Variants in CPE observed in about 807,000 individuals in gnomAD.
The protein encoded by CPE is carboxypeptidase E.
In CPE, 17 loss-of-function variants were observed where a neutral mutation model predicts 53.5. The observed-to-expected ratio is 0.32, with a 90% CI of 0.22 to 0.48. CPE has a LOEUF of 0.48. Ranked by LOEUF, CPE falls within the 20% of genes least tolerant of loss-of-function variation. The pLI, the probability that CPE is intolerant of heterozygous loss-of-function variation, is 0.99. For missense variants in CPE, 524 were observed against 614.7 expected (o/e 0.85, Z 1.56); for synonymous variants, 226 against 228.8 (o/e 0.99, Z 0.11).
intron 3 of CPE, among the ~76,000 whole-genome samples, chr4:165,481,877 T>G (rs1177337762): frequency 6.6e-6 from 1 of 152,234 alleles, no homozygotes; most frequent in Non-Finnish European, 1.5e-5. Flanking sequence ...CTCCTCATAT[T>G]ATCCTTAACT....
chr4:165,449,833 G>T (rs1236106120), intron 1 of CPE, among the ~76,000 whole-genome samples: 2 of 150,426 alleles, frequency 1.3e-5, no homozygotes, highest in African/African-American at 2.4e-5. Flanking sequence ...GATTTTTTTT[G>T]ATACACTTGA....
At position 165,451,198 on chromosome 4, in the gene CPE, G is replaced by A. The variant is rs1157589184; in HGVS notation, c.308-13192G>A. ...ATATGGGATAGGTCTGAATCAGGCC[G>A]ATGTTATTGTCTATATTCCTGGAAG... is the stretch of plus-strand genomic sequence containing the variant. On this transcript the variant is annotated intron_variant, in intron 1 of 8. Transcript: ENST00000402744. 3.9e-5 allele frequency among the ~76,000 whole-genome samples: 6 copies of A among 152,276 alleles called. No homozygotes were observed. In the East Asian group the frequency reaches 7.7e-4, roughly 20 times the overall value.
At chr4:165,389,381 G>GA (rs1730644743) in intron 1 of CPE, among the ~76,000 whole-genome samples, 1 of 152,046 alleles carries the variant, frequency 6.6e-6, no homozygotes, top group Non-Finnish European at 1.5e-5. Context: ...CAGGAATTGA[G>GA]AGTTTTTTCT....
At chr4:165,460,190 A>G (rs1283294627) in intron 1 of CPE, among the ~76,000 whole-genome samples, 1 of 151,928 alleles carries the variant, frequency 6.6e-6, no homozygotes, top group East Asian at 1.9e-4. Context: ...TACGCAGAAG[A>G]GAAAATTGAT....
intron 1 of CPE, among the ~76,000 whole-genome samples, chr4:165,430,586 G>T (rs1579258112): frequency 1.3e-5 from 2 of 152,110 alleles, no homozygotes; most frequent in Non-Finnish European, 2.9e-5. Context: ...TTAAAATTGT[G>T]TGGTGGTAAC....
chr4:165,497,213 C>G (rs1732717059), intron 8 of CPE, among the ~76,000 whole-genome samples: 1 of 152,196 alleles, frequency 6.6e-6, no homozygotes, highest in African/African-American at 2.4e-5. Context: ...AGCCACCGCG[C>G]CTGGCCAGTT....
In CPE at chr4:165,498,427, T is replaced by G. The variant is rs1214402227; in HGVS notation, c.*817T>G. 6.6e-6 allele frequency: 1 copy of G among 152,208 alleles called. No homozygotes were observed. Among genetic ancestry groups the G allele is most frequent in the Non-Finnish European group, 1.5e-5 (1 of 68,042 alleles). 9.4% of individuals were successfully genotyped at this position (152,208 alleles called of 1,614,324 possible). On this transcript the variant is annotated 3_prime_UTR_variant, in exon 9 of 9. Coordinates refer to ENST00000402744, the MANE Select transcript of CPE (RefSeq NM_001873.4). ...CTTCTCATATATTCATCCTGTACAT[T>G]TTAAAATTTGTTAAGCAACTACTGT...
intron 1 of CPE, among the ~76,000 whole-genome samples, chr4:165,387,487 C>T (rs1730612295): frequency 6.6e-6 from 1 of 152,020 alleles, no homozygotes; most frequent in African/African-American, 2.4e-5. Flanking sequence ...CTAAATAAGC[C>T]TAAATATAAC....
chr4:165,495,171 CTG>C (rs964545719), intron 7 of CPE, among the ~76,000 whole-genome samples: 6 of 152,230 alleles, frequency 3.9e-5, no homozygotes, highest in African/African-American at 1.4e-4. Flanking sequence ...GGCCCACACT[CTG>C]TGAAGATTCT....
chr4:165,411,210 CATT>C (rs1277366653), intron 1 of CPE, among the ~76,000 whole-genome samples: 1 of 152,102 alleles, frequency 6.6e-6, no homozygotes, highest in Non-Finnish European at 1.5e-5. Flanking sequence ...AACAAAAAGA[CATT>C]GTTGGAAAGG....
At chr4:165,474,362 G>A (rs966245066) in intron 3 of CPE, among the ~76,000 whole-genome samples, 2 of 152,152 alleles carry the variant, frequency 1.3e-5, no homozygotes, top group African/African-American at 4.8e-5. Context: ...TAAGCTTTGG[G>A]GGAGTCAAAT....
chr4:165,439,322 C>T (rs1042944470), intron 1 of CPE, among the ~76,000 whole-genome samples: 2 of 151,880 alleles, frequency 1.3e-5, no homozygotes, highest in Non-Finnish European at 2.9e-5. Flanking sequence ...AAAAAGATCA[C>T]GTGAAAGAGA....
intron 4 of CPE, among the ~76,000 whole-genome samples, chr4:165,483,261 T>C (rs1313593388): frequency 1.3e-5 from 2 of 152,234 alleles, no homozygotes; most frequent in Non-Finnish European, 2.9e-5. Context: ...GATTTCTGAA[T>C]TATTTCGCTC....
Position 165,419,961 on chromosome 4 carries a change from A to G in CPE, c.307+40433A>G, listed in dbSNP as rs550682625. Among the ~76,000 whole-genome samples the G allele has an allele frequency of 2.2e-3, 342 of 152,352 alleles. 1 individual carries two copies. The highest frequency in any genetic ancestry group is 8.0e-3 in the African/African-American group (332 of 41,588). ...TAATATTTTTAAACATAGATTTAGA[A>G]TGCCTTTTTTTCAAATATGAAAATA... On this transcript the variant is annotated intron_variant, in intron 1 of 8. Transcript: ENST00000402744.
chr4:165,397,662 C>T (rs1300883094), intron 1 of CPE, among the ~76,000 whole-genome samples: 1 of 152,056 alleles, frequency 6.6e-6, no homozygotes, highest in African/African-American at 2.4e-5. Flanking sequence ...ATTTTAGATT[C>T]TCTGCATTTT....
chr4:165,452,337 A>C (rs1731827136), intron 1 of CPE, among the ~76,000 whole-genome samples: 1 of 152,354 alleles, frequency 6.6e-6, no homozygotes, highest in South Asian at 2.1e-4. Context: ...GAGGTGATGG[A>C]TATCCTAGTT....
chr4:165,405,446 TC>T (rs1244201445), intron 1 of CPE: 8 of 852,776 alleles, frequency 9.4e-6, no homozygotes, highest in Admixed American at 1.7e-5. Flanking sequence ...CTTTACCACA[TC>T]AATTATTTTC....
intron 1 of CPE, among the ~76,000 whole-genome samples, chr4:165,460,828 A>G (rs562591232): frequency 3.1e-4 from 47 of 152,240 alleles, no homozygotes; most frequent in Middle Eastern, 6.8e-3. Flanking sequence ...TCCAGACTCT[A>G]TGTGGGGGCA....
At chr4:165,494,220 G>T (rs997083446) in intron 7 of CPE, among the ~76,000 whole-genome samples, 2 of 152,202 alleles carry the variant, frequency 1.3e-5, no homozygotes, top group East Asian at 3.9e-4. Flanking sequence ...AGCTGAGAGG[G>T]TGAAACCCAG....
Sources: gnomAD v4.1 joint callset for allele counts (sites outside exome capture counted in the v4.1 genomes callset) on GRCh38, gnomAD v4.1.1 for gene constraint, MANE v1.5 for transcripts, NCBI Gene and HGNC (gene_info 2026-07-23, HGNC 2026-07-21) for gene names.